The following PLCG2 variants were observed in gnomAD, a reference collection of about 807,000 sequenced individuals.
PLCG2 encodes the protein 1-phosphatidylinositol 4,5-bisphosphate phosphodiesterase gamma-2.
In PLCG2, 69 loss-of-function variants were observed where a neutral mutation model predicts 175.6. The observed-to-expected ratio is 0.39, with a 90% CI of 0.32 to 0.48. The LOEUF is 0.48. Among genes scored for constraint, PLCG2 ranks in the 20% least tolerant of loss-of-function variants. PLCG2 has a pLI of 0.91. For synonymous variants in PLCG2, 827 were observed against 624.0 expected (o/e 1.33, Z -4.85); for missense variants, 1,798 against 1,650.9 (o/e 1.09, Z -1.54).
chr16:81,815,250 G>A (rs1904491671), intron 2 of PLCG2, among the ~76,000 whole-genome samples: 1 of 152,160 alleles, frequency 6.6e-6, no homozygotes, highest in African/African-American at 2.4e-5. Context: ...AAGGGAGGGG[G>A]TTCCCAGCTC....
chr16:81,879,872 G>T (rs1331328010), intron 7 of PLCG2, among the ~76,000 whole-genome samples: 1 of 152,202 alleles, frequency 6.6e-6, no homozygotes, highest in Non-Finnish European at 1.5e-5. Flanking sequence ...AGTTGGCACG[G>T]CAGTGGGCTG....
intron 2 of PLCG2, among the ~76,000 whole-genome samples, chr16:81,827,418 G>C (rs1347740489): frequency 6.6e-6 from 1 of 151,918 alleles, no homozygotes; most frequent in Non-Finnish European, 1.5e-5. Flanking sequence ...CGAACTCCTA[G>C]GCTCAAGGAG....
At chr16:81,868,108 C>A (rs73594809) in intron 5 of PLCG2, among the ~76,000 whole-genome samples, 376 of 152,346 alleles carry the variant, frequency 2.5e-3, no homozygotes, top group African/African-American at 8.9e-3. Flanking sequence ...GCTCTGCTGC[C>A]TGCCATCCAG....
intron 19 of PLCG2, among the ~76,000 whole-genome samples, chr16:81,918,534 C>G (rs1055963461): frequency 1.3e-5 from 2 of 152,152 alleles, no homozygotes; most frequent in African/African-American, 4.8e-5. Flanking sequence ...TTCTAGACAT[C>G]TTTATTGAAG....
chr16:81,912,701 A>G lies in PLCG2; in HGVS notation c.2039A>G (p.Tyr680Cys), dbSNP rs758450563. The G allele has an allele frequency of 7.5e-6, 12 of 1,608,752 alleles. No homozygotes were observed. The highest frequency in any genetic ancestry group is 1.3e-5 in the African/African-American group (1 of 74,872). ...LIRKREGSDS[Y>C]AITFRARGKV... ...CGGAAGCGAGAGGGGAGCGACTCCT[A>G]TGCCATCACCTTCAGGTGGGTGCGA... is the stretch of plus-strand genomic sequence containing the variant. Residue 680 changes from tyrosine to cysteine, a missense_variant, in exon 19 of 33, where the codon TAT (tyrosine) becomes TGT (cysteine). Tyr to Cys is a radical substitution (Grantham distance 194). Transcript: ENST00000564138.
chr16:81,833,517 T>G (rs1905356238), intron 2 of PLCG2, among the ~76,000 whole-genome samples: 1 of 150,130 alleles, frequency 6.7e-6, no homozygotes, highest in Non-Finnish European at 1.5e-5. Flanking sequence ...TTTTTTCAAT[T>G]TCAAAATTTA....
chr16:81,911,184 A>G (rs1470283266), intron 18 of PLCG2, among the ~76,000 whole-genome samples: 1 of 152,206 alleles, frequency 6.6e-6, no homozygotes, highest in Non-Finnish European at 1.5e-5. Flanking sequence ...TTTAGGCAGA[A>G]AGCTGCAAAA....
intron 30 of PLCG2, among the ~76,000 whole-genome samples, chr16:81,942,706 T>C (rs1407772518): frequency 6.6e-6 from 1 of 152,112 alleles, no homozygotes; most frequent in Non-Finnish European, 1.5e-5. Context: ...CGAGAGACTA[T>C]GACTTAACTT....
chr16:81,867,512 G>A (rs1383459138), intron 5 of PLCG2, among the ~76,000 whole-genome samples: 1 of 152,156 alleles, frequency 6.6e-6, no homozygotes, highest in Non-Finnish European at 1.5e-5. Flanking sequence ...CTGGAAGATG[G>A]AGATGATCAT....
chr16:81,916,654 T>A (rs1909855897), intron 19 of PLCG2, among the ~76,000 whole-genome samples: 1 of 152,120 alleles, frequency 6.6e-6, no homozygotes, highest in Non-Finnish European at 1.5e-5. Flanking sequence ...TATTTTTTTT[T>A]TGAAATGGAG....
At chr16:81,835,831 T>A (rs1905485416) in intron 2 of PLCG2, among the ~76,000 whole-genome samples, 1 of 152,116 alleles carries the variant, frequency 6.6e-6, no homozygotes, top group African/African-American at 2.4e-5. Flanking sequence ...TGGCCTCTGG[T>A]AGCTGCTGGT....
At chr16:81,859,967 G>A (rs1048648283) in intron 5 of PLCG2, among the ~76,000 whole-genome samples, 17 of 151,926 alleles carry the variant, frequency 1.1e-4, no homozygotes, top group African/African-American at 3.6e-4. Flanking sequence ...GCTCTATGAC[G>A]GACTATTATT....
intron 1 of PLCG2, among the ~76,000 whole-genome samples, chr16:81,745,547 C>G (rs1909687203): frequency 1.3e-5 from 2 of 152,170 alleles, no homozygotes; most frequent in South Asian, 4.1e-4. Context: ...TGGTAATTAC[C>G]AGCTGGATGT....
intron 8 of PLCG2, 60 bp downstream of exon 8, chr16:81,881,013 C>T: frequency 6.4e-7 from 1 of 1,551,682 alleles, no homozygotes; most frequent in Non-Finnish European, 8.9e-7. Flanking sequence ...GCCTGGTGCC[C>T]AGCCGGCCTC....
At chr16:81,910,855 G>C (rs1909592319) in intron 18 of PLCG2, 135 bp downstream of exon 18, 3 of 774,362 alleles carry the variant, frequency 3.9e-6, no homozygotes, top group Admixed American at 4.2e-5. Flanking sequence ...TCTCAAAATT[G>C]CCGAGGTGGC....
At chr16:81,928,929 G>A (rs146292109) in intron 24 of PLCG2, 251 of 321,602 alleles carry the variant, frequency 7.8e-4, no homozygotes, top group East Asian at 1.9e-3. Flanking sequence ...TTTCCCATGC[G>A]TTGCGAAGGA....
chr16:81,946,725 C>T (rs1038906432), intron 31 of PLCG2, among the ~76,000 whole-genome samples: 27 of 152,304 alleles, frequency 1.8e-4, no homozygotes, highest in African/African-American at 6.5e-4. Context: ...ATAAGGCGAT[C>T]ATGCACAGCT....
intron 2 of PLCG2, among the ~76,000 whole-genome samples, chr16:81,828,762 A>T (rs1433568847): frequency 2.0e-5 from 3 of 152,164 alleles, no homozygotes; most frequent in African/African-American, 7.2e-5. Flanking sequence ...TGATTGAACA[A>T]TGTGGCATTT....
At chr16:81,948,741 T>G (rs1219689764) in intron 31 of PLCG2, among the ~76,000 whole-genome samples, 1 of 152,170 alleles carries the variant, frequency 6.6e-6, no homozygotes, top group Admixed American at 6.5e-5. Context: ...CTAAAGTTGG[T>G]CAGTTTGCCT....
Sources: allele counts gnomAD v4.1 joint callset (sites outside exome capture counted in the v4.1 genomes callset), GRCh38; gene constraint gnomAD v4.1.1; transcripts MANE v1.5; gene names NCBI Gene and HGNC (gene_info 2026-07-23, HGNC 2026-07-21).